The following PTPRD variants were observed in gnomAD, a reference collection of about 807,000 sequenced individuals.
The protein encoded by PTPRD is protein tyrosine phosphatase receptor type D, also known as receptor-type tyrosine-protein phosphatase delta.
Under a neutral mutation model 214.5 loss-of-function variants are expected in PTPRD, and 34 were observed. That is an observed-to-expected ratio of 0.16 (90% CI 0.12 to 0.21). The LOEUF (loss-of-function observed/expected upper bound fraction) is 0.21. PTPRD is among the 10% of genes least tolerant of loss of function. The pLI is 1.00. For missense variants in PTPRD, 2,545 were observed against 2,398.7 expected (o/e 1.06, Z -1.27); for synonymous variants, 1,128 against 845.7 (o/e 1.33, Z -5.79).
At chr9:8,366,577 T>C (rs1003302964) in intron 39 of PTPRD, among the ~76,000 whole-genome samples, 2 of 152,240 alleles carry the variant, frequency 1.3e-5, no homozygotes, top group Non-Finnish European at 2.9e-5. Flanking sequence ...CCCAGAAATC[T>C]GAACCCTCAA....
intron 11 of PTPRD, among the ~76,000 whole-genome samples, chr9:8,818,639 C>G (rs1370904987): frequency 6.6e-6 from 1 of 152,182 alleles, no homozygotes; most frequent in East Asian, 1.9e-4. Context: ...AAAATCATAC[C>G]TACTGAATTA....
intron 10 of PTPRD, among the ~76,000 whole-genome samples, chr9:9,050,242 T>C (rs952516357): frequency 1.3e-5 from 2 of 152,254 alleles, no homozygotes; most frequent in Non-Finnish European, 2.9e-5. Flanking sequence ...CATTGTTCAA[T>C]GTACTGATAA....
chr9:9,859,531 A>G (rs1317623514), intron 5 of PTPRD, among the ~76,000 whole-genome samples: 4 of 152,230 alleles, frequency 2.6e-5, no homozygotes, highest in Admixed American at 1.3e-4. Context: ...ATAAGTTTAT[A>G]ATAATGATTT....
intron 8 of PTPRD, among the ~76,000 whole-genome samples, chr9:9,532,360 A>G (rs2154265117): frequency 6.6e-6 from 1 of 152,292 alleles, no homozygotes; most frequent in East Asian, 1.9e-4. Flanking sequence ...TTCAGAGCCT[A>G]GAAGTAAATT....
intron 7 of PTPRD, among the ~76,000 whole-genome samples, chr9:9,611,526 G>T (rs993139020): frequency 6.6e-6 from 1 of 151,952 alleles, no homozygotes; most frequent in East Asian, 1.9e-4. Context: ...CATAGAATCT[G>T]ATGTATAAAA....
intron 3 of PTPRD, among the ~76,000 whole-genome samples, chr9:10,201,116 T>C (rs1212328141): frequency 1.3e-5 from 2 of 152,012 alleles, no homozygotes; most frequent in African/African-American, 4.8e-5. Context: ...AAATGGCACA[T>C]CTGACTCTTG....
intron 11 of PTPRD, among the ~76,000 whole-genome samples, chr9:9,003,567 A>AGCC: frequency 1.3e-5 from 2 of 151,996 alleles, no homozygotes; most frequent in African/African-American, 4.8e-5. Flanking sequence ...TTCATTTTGG[A>AGCC]TGTCCTAATT....
At chr9:10,272,396 T>C (rs1448858662) in intron 3 of PTPRD, among the ~76,000 whole-genome samples, 1 of 152,208 alleles carries the variant, frequency 6.6e-6, no homozygotes, top group African/African-American at 2.4e-5. Context: ...CTGTAAAGAG[T>C]GCATCTGTGA....
chr9:10,065,089 C>G (rs1407426233), intron 3 of PTPRD, among the ~76,000 whole-genome samples: 1 of 148,232 alleles, frequency 6.7e-6, no homozygotes, highest in East Asian at 2.0e-4. Context: ...TACGCTGTCT[C>G]TGGAAATTAT....
At chr9:9,859,047 C>A (rs139443732) in intron 5 of PTPRD, among the ~76,000 whole-genome samples, 2 of 152,214 alleles carry the variant, frequency 1.3e-5, no homozygotes, top group African/African-American at 4.8e-5. Flanking sequence ...GGGCAGTTTT[C>A]CTCATGCTGT....
At chr9:9,641,677 A>G (rs2095959697) in intron 7 of PTPRD, among the ~76,000 whole-genome samples, 1 of 152,224 alleles carries the variant, frequency 6.6e-6, no homozygotes, top group African/African-American at 2.4e-5. Flanking sequence ...TTAAAGCATG[A>G]CAAAAATAAC....
At position 9,113,327 on chromosome 9, in the gene PTPRD, T is replaced by C. The variant is rs1591823720; in HGVS notation, c.-143+69977A>G. Among the ~76,000 whole-genome samples, 4 of 152,024 alleles carry C rather than the reference T, an allele frequency of 2.6e-5. 1 individual carries two copies. The South Asian group carries it at 8.3e-4, about 31-fold the overall frequency. ...CTATTGCATCCATCTTTCCATCTGA[T>C]GCTTATATTAAGTATATTCGATATT... On this transcript the variant is annotated intron_variant, in intron 10 of 45. Coordinates refer to ENST00000381196, the MANE Select transcript of PTPRD (RefSeq NM_002839.4).
chr9:8,652,897 G>A lies in PTPRD; in HGVS notation c.65-16053C>T, dbSNP rs183277162. Among the ~76,000 whole-genome samples the A allele has an allele frequency of 2.1e-3, 317 of 152,304 alleles. 7 individuals are homozygous for A. Among genetic ancestry groups the A allele is most frequent in the Non-Finnish European group, 3.1e-4 (21 of 68,018 alleles). ...AGAAAAGGGGTCTGCAGGTTATTGT[G>A]AGATAAGCCTTTATTCCATACCAAA... On this transcript the variant is annotated intron_variant, in intron 12 of 45. Coordinates refer to ENST00000381196, the MANE Select transcript of PTPRD (RefSeq NM_002839.4).
At chr9:9,893,132 A>G (rs746777771) in intron 5 of PTPRD, among the ~76,000 whole-genome samples, 11 of 152,082 alleles carry the variant, frequency 7.2e-5, no homozygotes, top group Non-Finnish European at 1.5e-4. Context: ...TATATAGAAT[A>G]TAATCAGAGC....
intron 8 of PTPRD, among the ~76,000 whole-genome samples, chr9:9,574,239 A>T (rs1429839845): frequency 6.6e-6 from 1 of 151,908 alleles, no homozygotes; most frequent in Non-Finnish European, 1.5e-5. Context: ...AGCCTTAAAA[A>T]TTGCCTTAGA....
chr9:8,597,235 G>T (rs956985369), intron 14 of PTPRD, among the ~76,000 whole-genome samples: 16 of 152,032 alleles, frequency 1.1e-4, no homozygotes, highest in African/African-American at 3.6e-4. Context: ...ATAGCTTACA[G>T]GGATTCTAGT....
chr9:8,595,607 A>C (rs1294844045), intron 14 of PTPRD, among the ~76,000 whole-genome samples: 1 of 152,246 alleles, frequency 6.6e-6, no homozygotes, highest in Non-Finnish European at 1.5e-5. Context: ...AAGAGCATCA[A>C]GATAAACTCT....
intron 21 of PTPRD, among the ~76,000 whole-genome samples, chr9:8,510,601 G>A (rs966519503): frequency 2.0e-5 from 3 of 152,058 alleles, no homozygotes; most frequent in African/African-American, 7.2e-5. Flanking sequence ...CACTGTATGG[G>A]GCAAAATGTG....
chr9:10,297,281 A>AT (rs994578993), intron 3 of PTPRD, among the ~76,000 whole-genome samples: 10 of 151,802 alleles, frequency 6.6e-5, no homozygotes, highest in Non-Finnish European at 1.2e-4. Context: ...CTATAACATT[A>AT]TTTTTTTAAG....
Sources: gnomAD v4.1 joint callset for allele counts (sites outside exome capture counted in the v4.1 genomes callset) on GRCh38, gnomAD v4.1.1 for gene constraint, MANE v1.5 for transcripts, NCBI Gene and HGNC (gene_info 2026-07-23, HGNC 2026-07-21) for gene names.